CELF2: variants seen among roughly 807,000 people sequenced by gnomAD.
CELF2 encodes the protein CUG triplet repeat RNA-binding protein 2.
In CELF2, 8 loss-of-function variants were observed where a neutral mutation model predicts 62.6. That is an observed-to-expected ratio of 0.13 (90% CI 0.07 to 0.23). The LOEUF is 0.23. Among genes scored for constraint, CELF2 ranks in the 10% least tolerant of loss-of-function variants. The probability of loss-of-function intolerance (pLI) is 1.00; values close to 1 mark genes in which losing one functional copy is unlikely to be tolerated. For synonymous variants in CELF2, 258 were observed against 250.0 expected (o/e 1.03, Z -0.30); for missense variants, 333 against 671.0 (o/e 0.50, Z 5.56).
At chr10:10,858,264 C>T (rs1564728279) in intron 1 of CELF2, among the ~76,000 whole-genome samples, 1 of 152,130 alleles carries the variant, frequency 6.6e-6, no homozygotes, top group Non-Finnish European at 1.5e-5. Flanking sequence ...GCCTTAAGGC[C>T]TCTCTGTGGC....
At chr10:11,040,087 G>A (rs1480548268) in intron 1 of CELF2, among the ~76,000 whole-genome samples, 5 of 152,184 alleles carry the variant, frequency 3.3e-5, no homozygotes, top group Non-Finnish European at 7.3e-5. Flanking sequence ...TCATGCCACT[G>A]ATCATGGGAC....
chr10:11,289,823 C>T (rs181925269), intron 9 of CELF2, among the ~76,000 whole-genome samples: 4 of 152,300 alleles, frequency 2.6e-5, no homozygotes, highest in African/African-American at 7.2e-5. Flanking sequence ...CTGTAACGAT[C>T]CCTTTTGAGA....
chr10:11,184,330 G>A (rs1028596083), intron 2 of CELF2, among the ~76,000 whole-genome samples: 3 of 152,232 alleles, frequency 2.0e-5, no homozygotes, highest in Non-Finnish European at 4.4e-5. Context: ...GTCAGATACT[G>A]TTAGTCTTCC....
At chr10:11,038,763 A>T (rs1374628199) in intron 1 of CELF2, among the ~76,000 whole-genome samples, 1 of 152,242 alleles carries the variant, frequency 6.6e-6, no homozygotes, top group Non-Finnish European at 1.5e-5. Context: ...CTCTAACATT[A>T]GTATAAATAT....
At chr10:10,484,760 A>C in the CELF2 span, among the ~76,000 whole-genome samples, 2 of 152,074 alleles carry the variant, frequency 1.3e-5, no homozygotes, top group African/African-American at 4.8e-5. Context: ...ATGAACCTAA[A>C]AATTAAACAT....
rs1480550160 is a variant in CELF2 at position 10,957,901 on chromosome 10, T to C, written c.89+37902T>C. ...ACTAAGCACTTGAATCACTTCAGATTGTTTCGAAGAAAATCATTTTATGTC... is the reference window on the plus strand; with the variant it reads ...ACTAAGCACTTGAATCACTTCAGATCGTTTCGAAGAAAATCATTTTATGTC... On this transcript the variant is annotated intron_variant, in intron 2 of 13. Coordinates refer to the CELF2 transcript ENST00000636488. The surrounding 1 kb of genome is among the most constrained non-coding windows in gnomAD (Gnocchi z 4.1). Among the ~76,000 whole-genome samples the C allele has an allele frequency of 6.6e-6, 1 of 152,190 alleles. No homozygotes were observed. The highest frequency in any genetic ancestry group is 1.9e-4 in the East Asian group (1 of 5,196).
At chr10:10,698,352 C>T in the CELF2 span, among the ~76,000 whole-genome samples, 2 of 152,186 alleles carry the variant, frequency 1.3e-5, no homozygotes, top group Admixed American at 1.3e-4. Context: ...TTGATCTCCG[C>T]TTTGATTCCT....
chr10:11,170,256 A>C (rs1219980914), intron 2 of CELF2, among the ~76,000 whole-genome samples: 1 of 152,228 alleles, frequency 6.6e-6, no homozygotes, highest in African/African-American at 2.4e-5. Flanking sequence ...AGGGGCATTC[A>C]GGAAGGAGTA....
At chr10:10,467,787 A>G in the CELF2 span, among the ~76,000 whole-genome samples, 1 of 152,006 alleles carries the variant, frequency 6.6e-6, no homozygotes, top group Non-Finnish European at 1.5e-5. Context: ...TAGGTATTTC[A>G]CTATTGTTGT....
At chr10:10,966,237 C>T (rs2050109624) in intron 2 of CELF2, among the ~76,000 whole-genome samples, 1 of 152,244 alleles carries the variant, frequency 6.6e-6, no homozygotes, top group African/African-American at 2.4e-5. Flanking sequence ...ACAAAGCCCA[C>T]TCACACAACC....
chr10:11,259,162 T>C (rs1285000743), intron 5 of CELF2, among the ~76,000 whole-genome samples: 2 of 152,224 alleles, frequency 1.3e-5, no homozygotes, highest in Non-Finnish European at 2.9e-5. Flanking sequence ...AAAGAAAAGA[T>C]TGGATCATGA....
chr10:10,915,931 TAGTC>T (rs1372881917), intron 1 of CELF2, among the ~76,000 whole-genome samples: 1 of 152,220 alleles, frequency 6.6e-6, no homozygotes, highest in African/African-American at 2.4e-5. Context: ...GAATAAATAT[TAGTC>T]AGGAAATAAA....
At chr10:10,481,848 T>C in the CELF2 span, among the ~76,000 whole-genome samples, 1 of 152,204 alleles carries the variant, frequency 6.6e-6, no homozygotes, top group African/African-American at 2.4e-5. Context: ...AAAATAATTA[T>C]TCACTGGCAG....
At chr10:10,537,310 C>G in the CELF2 span, among the ~76,000 whole-genome samples, 1 of 152,106 alleles carries the variant, frequency 6.6e-6, no homozygotes, top group Non-Finnish European at 1.5e-5. Context: ...AGCTTTATAA[C>G]CGGCCCAGGA....
the CELF2 span, among the ~76,000 whole-genome samples, chr10:10,791,727 C>T: frequency 6.6e-6 from 1 of 152,074 alleles, no homozygotes; most frequent in African/African-American, 2.4e-5. Context: ...CCCAGGGTAT[C>T]GAAAGTGGAC....
chr10:11,045,644 A>G (rs2062682884), intron 1 of CELF2, among the ~76,000 whole-genome samples: 1 of 152,248 alleles, frequency 6.6e-6, no homozygotes, highest in African/African-American at 2.4e-5. Context: ...GGGAGGCTGG[A>G]ATGACTCTCA....
At chr10:11,006,757 A>T (rs577239258) in intron 1 of CELF2, among the ~76,000 whole-genome samples, 1 of 152,312 alleles carries the variant, frequency 6.6e-6, no homozygotes, top group Admixed American at 6.5e-5. Context: ...TAGCCTATTA[A>T]GTTGTGAAGT....
At chr10:10,917,554 T>A (rs2064465503) in intron 1 of CELF2, among the ~76,000 whole-genome samples, 1 of 152,006 alleles carries the variant, frequency 6.6e-6, no homozygotes, top group Admixed American at 6.5e-5. Flanking sequence ...TTGCCCTGGC[T>A]GGCCTCAAAC....
intron 8 of CELF2, among the ~76,000 whole-genome samples, chr10:11,283,912 T>A: frequency 7.6e-6 from 1 of 131,946 alleles, no homozygotes; most frequent in Non-Finnish European, 1.6e-5. Flanking sequence ...GACTGTGTGG[T>A]AGGTGGATGA....
Sources: allele counts gnomAD v4.1 joint callset (sites outside exome capture counted in the v4.1 genomes callset), GRCh38; gene constraint gnomAD v4.1.1; non-coding constraint Gnocchi (gnomAD v3.1); transcripts MANE v1.5; gene names NCBI Gene and HGNC (gene_info 2026-07-23, HGNC 2026-07-21).